CFAP74: variants seen among roughly 807,000 people sequenced by gnomAD.
CFAP74 encodes the protein cilia and flagella associated protein 74.
Under a neutral mutation model 188.9 loss-of-function variants are expected in CFAP74, and 124 were observed. The ratio of observed to expected loss-of-function variants is 0.66; its 90% CI spans 0.57 to 0.76. The LOEUF (loss-of-function observed/expected upper bound fraction) is 0.76, where lower values mean the gene tolerates loss of function less well. CFAP74 is among the 30% of genes least tolerant of loss of function. The pLI is 0.00. For missense variants in CFAP74, 2,198 were observed against 2,165.2 expected (o/e 1.02, Z -0.30); for synonymous variants, 956 against 916.7 (o/e 1.04, Z -0.77).
At chr1:1,967,035 A>G (rs1655521575) in intron 11 of CFAP74, among the ~76,000 whole-genome samples, 1 of 152,028 alleles carries the variant, frequency 6.6e-6, no homozygotes, top group South Asian at 2.1e-4. Flanking sequence ...ATGGGGTTTC[A>G]CTATGTTGGC....
rs1655624944 is a variant in CFAP74 at position 1,968,279 on chromosome 1, C to T, written c.1245+356G>A. ...ATGTGGTCTGAACGGCTGTGCACATCTCCCTGGCAGGCGGCTGACCCAGCT... is the reference window on the plus strand; with the variant it reads ...ATGTGGTCTGAACGGCTGTGCACATTTCCCTGGCAGGCGGCTGACCCAGCT... On this transcript the variant is annotated intron_variant, in intron 11 of 38. Transcript: ENST00000682832. This position sits in a 1 kb window ranked among gnomAD's most constrained non-coding sequence, Gnocchi z 4.3. 6.6e-6 allele frequency among the ~76,000 whole-genome samples: 1 copy of T among 152,162 alleles called. No homozygotes were observed. Among genetic ancestry groups the T allele is most frequent in the South Asian group, 2.1e-4 (1 of 4,830 alleles).
chr1:1,968,862 C>T lies in CFAP74; in HGVS notation c.1047-29G>A, dbSNP rs760519264. 4 of 1,607,464 alleles carry T rather than the reference C, an allele frequency of 2.5e-6. No individual in the cohort carries two copies. The highest frequency in any genetic ancestry group is 1.7e-4 in the Middle Eastern group (1 of 5,954). On this transcript the variant is annotated intron_variant, in intron 10 of 38. Transcript: ENST00000682832. This position sits in a 1 kb window ranked among gnomAD's most constrained non-coding sequence, Gnocchi z 4.3. The stretch of plus-strand genomic sequence containing the variant: ...CGTGGAGTCGCTTCTCAGATGAGTG[C>T]AAGAGGTCCCCTGCCTCCACCTTGC...
In CFAP74 at chr1:1,990,915, C is replaced by T; in HGVS notation, c.42G>A (p.Leu14=). The T allele has an allele frequency of 6.2e-7, 1 of 1,612,940 alleles. No individual in the cohort carries two copies. Among genetic ancestry groups the T allele is most frequent in the South Asian group, 1.1e-5 (1 of 90,588 alleles). The change falls in exon 2 of 39, where the codon TTG becomes TTA. Residue 14 remains leucine, a synonymous_variant. Transcript: ENST00000682832. ...CATCTTCCAAAAGAAGGGCATCGGCCAAAAGCTCGTCCTCAGGGAGCAGGC... is the reference window on the plus strand; with the variant it reads ...CATCTTCCAAAAGAAGGGCATCGGCTAAAAGCTCGTCCTCAGGGAGCAGGC... ...DGSLLPEDEL[L]ADALLLEDER...
chr1:1,931,185 T>C (rs1002268402), intron 25 of CFAP74, among the ~76,000 whole-genome samples: 1 of 152,052 alleles, frequency 6.6e-6, no homozygotes. Context: ...ATCCCAGCAC[T>C]TTGGGAGGCC....
chr1:1,944,289 G>A (rs748201063), intron 21 of CFAP74, 42 bp downstream of exon 21: 2 of 1,525,848 alleles, frequency 1.3e-6, no homozygotes, highest in South Asian at 2.4e-5. Flanking sequence ...CTCACCCCGT[G>A]TGCGTGGGTC....
In CFAP74 at chr1:1,942,187, G is replaced by A. The variant is rs1281276024; in HGVS notation, c.2487-31C>T. ...GGCGTGTCGCAGGGCACTGGGTCAG[G>A]TGCCACAGTCGTGATTCTGTGTGCG... On this transcript the variant is annotated intron_variant, in intron 21 of 38. Coordinates refer to ENST00000682832, the MANE Select transcript of CFAP74 (RefSeq NM_001304360.2). This position sits in a 1 kb window ranked among gnomAD's most constrained non-coding sequence, Gnocchi z 4.3. The A allele has an allele frequency of 6.8e-7, 1 of 1,467,380 alleles. No individual in the cohort carries two copies. Among genetic ancestry groups the A allele is most frequent in the Non-Finnish European group, 9.0e-7 (1 of 1,112,794 alleles). 90.9% of individuals were successfully genotyped at this position (1,467,380 alleles called of 1,614,324 possible). A position where few individuals can be genotyped will look rare whatever the true frequency, so the allele number is the denominator to read the frequency against.
chr1:1,941,174 G>A (rs1394141920), intron 22 of CFAP74, among the ~76,000 whole-genome samples: 1 of 152,172 alleles, frequency 6.6e-6, no homozygotes, highest in Admixed American at 6.6e-5. Flanking sequence ...AAAAACATCA[G>A]CCTCCCTGTG....
intron 19 of CFAP74, among the ~76,000 whole-genome samples, chr1:1,946,713 G>A (rs926634364): frequency 8.5e-5 from 13 of 152,152 alleles, no homozygotes; most frequent in African/African-American, 2.9e-4. Flanking sequence ...GGGAGGCCGC[G>A]GCCAGCATCC....
chr1:1,938,489 CAA>C (rs1320865285), intron 25 of CFAP74, among the ~76,000 whole-genome samples: 1 of 43,676 alleles, frequency 2.3e-5, no homozygotes, highest in Admixed American at 2.3e-4. Flanking sequence ...CTCACACTGA[CAA>C]ACGCACTCAC....
intron 14 of CFAP74, among the ~76,000 whole-genome samples, chr1:1,961,388 G>A (rs1032544877): frequency 1.9e-4 from 29 of 152,294 alleles, no homozygotes; most frequent in Admixed American, 1.8e-3. Flanking sequence ...GAGCAAGCAG[G>A]CGGAAAGCCA....
intron 8 of CFAP74, 71 bp downstream of exon 8, chr1:1,972,866 G>T: frequency 1.0e-6 from 1 of 967,094 alleles, no homozygotes; most frequent in South Asian, 1.4e-5. Context: ...TAAAATCAGG[G>T]CATTTCAAGA....
At chr1:1,984,727 G>T (rs1413653713) in intron 6 of CFAP74, 1 of 153,212 alleles carries the variant, frequency 6.5e-6, no homozygotes, top group African/African-American at 2.4e-5. Flanking sequence ...AGTGGAGTGA[G>T]GCTGAGATGT....
chr1:1,980,435 T>C (rs1201521344), intron 6 of CFAP74, among the ~76,000 whole-genome samples: 1 of 142,624 alleles, frequency 7.0e-6, no homozygotes, highest in Non-Finnish European at 1.5e-5. Flanking sequence ...TCTTACCGTG[T>C]GGGGAGGACG....
chr1:1,979,928 C>T lies in CFAP74; in HGVS notation c.500+5458G>A, dbSNP rs373753124. ...GGGAAGGTGTCACGTGACGAGGCTG[C>T]GCAGAACACGCGTGTGATCGCTCAC... On this transcript the variant is annotated intron_variant, in intron 6 of 38. Coordinates refer to ENST00000682832, the MANE Select transcript of CFAP74 (RefSeq NM_001304360.2). Among the ~76,000 whole-genome samples the T allele has an allele frequency of 1.9e-3, 272 of 146,900 alleles. 11 individuals are homozygous for T. Among genetic ancestry groups the T allele is most frequent in the African/African-American group, 6.7e-3 (256 of 38,080 alleles).
chr1:1,966,240 G>A (rs999521073), intron 12 of CFAP74, 131 bp downstream of exon 12: 35 of 825,642 alleles, frequency 4.2e-5, no homozygotes, highest in East Asian at 9.0e-5. Flanking sequence ...AGAGGGTGGC[G>A]GGAGATGGCA....
intron 1 of CFAP74, among the ~76,000 whole-genome samples, chr1:1,997,226 C>G (rs1014736307): frequency 6.6e-6 from 1 of 151,568 alleles, no homozygotes; most frequent in Non-Finnish European, 1.5e-5. Flanking sequence ...AGTTCGAGAC[C>G]AGCCTGACCA....
chr1:1,940,281 C>A, intron 23 of CFAP74, 35 bp downstream of exon 23: 2 of 1,471,136 alleles, frequency 1.4e-6, no homozygotes, highest in Non-Finnish European at 1.8e-6. Context: ...TACCCAGGAG[C>A]GCCCAGCATC....
At chr1:1,959,835 G>C in intron 15 of CFAP74, 129 bp downstream of exon 15, 1 of 717,646 alleles carries the variant, frequency 1.4e-6, no homozygotes, top group Non-Finnish European at 2.2e-6. Flanking sequence ...GCAAAACAGG[G>C]GCCTGCGTGA....
rs1558034174 is a variant in CFAP74, at chr1:1,965,028, C to T, written c.1435G>A (p.Gly479Ser). 1 of 1,613,756 alleles carries T rather than the reference C, an allele frequency of 6.2e-7. No individual in the cohort carries two copies. Among genetic ancestry groups the T allele is most frequent in the Admixed American group, 1.7e-5 (1 of 59,954 alleles). ...PKEDVDRKPV[G>S]GTKMDKDILE... ...ATGTCCTTGTCCATCTTTGTCCCGC[C>T]CACGGGCTTTCGGTCCACGTCCTCC... Residue 479 changes from glycine to serine, a missense_variant, in exon 13 of 39, where the codon GGC becomes AGC. By Grantham distance (56) the Gly-to-Ser change is moderately conservative. Coordinates refer to ENST00000682832, the MANE Select transcript of CFAP74 (RefSeq NM_001304360.2).
Sources: gnomAD v4.1 joint callset for allele counts (sites outside exome capture counted in the v4.1 genomes callset) on GRCh38, gnomAD v4.1.1 for gene constraint, Gnocchi (gnomAD v3.1) non-coding constraint, MANE v1.5 for transcripts, NCBI Gene and HGNC (gene_info 2026-07-23, HGNC 2026-07-21) for gene names.